ULK4: variants seen among roughly 807,000 people sequenced by gnomAD.
ULK4 encodes the protein inactive serine/threonine-protein kinase ULK4.
ULK4 carries 133 observed loss-of-function variants against 160.6 expected under a neutral mutation model. That is an observed-to-expected ratio of 0.83 (90% confidence interval 0.72 to 0.96). ULK4 has a LOEUF of 0.96. Among genes scored for constraint, ULK4 ranks in the 40% least tolerant of loss-of-function variants. The pLI, the probability that ULK4 is intolerant of heterozygous loss-of-function variation, is 0.00. For synonymous variants in ULK4, 534 were observed against 539.8 expected, an observed-to-expected ratio of 0.99 and a Z score of 0.15; for missense variants, 1,580 against 1,499.5, an observed-to-expected ratio of 1.05 and a Z score of -0.89.
intron 27 of ULK4, among the ~76,000 whole-genome samples, chr3:41,696,041 C>G (rs1392894161): frequency 6.6e-6 from 1 of 152,146 alleles, no homozygotes; most frequent in Non-Finnish European, 1.5e-5. Flanking sequence ...CCAAGCGGAC[C>G]GTGGTCTAGC....
At chr3:41,729,004 G>A (rs557867524) in intron 22 of ULK4, among the ~76,000 whole-genome samples, 3 of 152,194 alleles carry the variant, frequency 2.0e-5, no homozygotes, top group South Asian at 2.1e-4. Flanking sequence ...CTGACTGAAG[G>A]TGCCTGATAC....
At chr3:41,364,955 G>A (rs2125776249) in intron 35 of ULK4, among the ~76,000 whole-genome samples, 1 of 152,310 alleles carries the variant, frequency 6.6e-6, no homozygotes, top group East Asian at 1.9e-4. Context: ...TGATTCTGCA[G>A]GCAAGGGGTG....
chr3:41,714,246 A>G lies in ULK4; in HGVS notation c.2634+991T>C, dbSNP rs75920383. Reference sequence around the variant, plus strand: ...AAAATCTGAAATTGAGCACAAAGGGACCTTTACTGCATTGCTTCCTAAAAA... The same window carrying G: ...AAAATCTGAAATTGAGCACAAAGGGGCCTTTACTGCATTGCTTCCTAAAAA... On this transcript the variant is annotated intron_variant, in intron 25 of 36. Coordinates refer to ENST00000301831, the MANE Select transcript of ULK4 (RefSeq NM_017886.4). 2.4e-3 allele frequency among the ~76,000 whole-genome samples: 369 copies of G among 152,290 alleles called. 1 individual carries two copies. The highest frequency in any genetic ancestry group is 7.9e-3 in the African/African-American group (329 of 41,574).
chr3:41,681,687 C>A (rs1344555906), intron 28 of ULK4, 35 bp from the exon 29 acceptor site: 1 of 1,613,698 alleles, frequency 6.2e-7, no homozygotes, highest in African/African-American at 1.3e-5. Flanking sequence ...GAATGTGACT[C>A]CATGGAGACA....
In ULK4 at chr3:41,932,142, A is replaced by G. The variant is rs1042488625; in HGVS notation, c.379-136T>C. ...AGAACTCAGAAAAATAAATGCTTAT[A>G]ATTTTTTTAAAAGCTAAAGAAAAAT... is the stretch of plus-strand genomic sequence containing the variant. On this transcript the variant is annotated intron_variant, in intron 4 of 36. Transcript: ENST00000301831. 9.7e-6 allele frequency: 7 copies of G among 724,528 alleles called. No individual in the cohort carries two copies. In the African/African-American group the frequency reaches 1.3e-4, roughly 13 times the overall value. 44.9% of individuals were successfully genotyped at this position (724,528 alleles called of 1,614,324 possible).
At chr3:41,806,433 C>T (rs2040644349) in intron 19 of ULK4, among the ~76,000 whole-genome samples, 1 of 152,050 alleles carries the variant, frequency 6.6e-6, no homozygotes, top group African/African-American at 2.4e-5. Context: ...TTCAAAAAAC[C>T]AGCTCCTGGA....
chr3:41,859,740 CTCCACCTCCCAGGTT>C, intron 17 of ULK4: 1 of 323,640 alleles, frequency 3.1e-6, no homozygotes, highest in Non-Finnish European at 6.0e-6. Flanking sequence ...TCACTGCAAC[CTCCACCTCCCAGGTT>C]CAAGCAATTC....
Position 41,902,358 on chromosome 3 carries a change from T to C in ULK4, c.1183-1529A>G, listed in dbSNP as rs149742716. On this transcript the variant is annotated intron_variant, in intron 12 of 36. Coordinates refer to ENST00000301831, the MANE Select transcript of ULK4 (RefSeq NM_017886.4). ...ACTTTGGTAGGCCGAGGTGGGCACA[T>C]CACGAGGTCAGGAGTTCGAGACCAG... 6.7e-4 allele frequency among the ~76,000 whole-genome samples: 102 copies of C among 152,040 alleles called. 1 individual carries two copies. The East Asian group carries it at 0.017, about 26-fold the overall frequency.
At chr3:41,369,130 G>T (rs2081311300) in intron 35 of ULK4, among the ~76,000 whole-genome samples, 2 of 152,252 alleles carry the variant, frequency 1.3e-5, no homozygotes, top group African/African-American at 4.8e-5. Context: ...AATGATGAGA[G>T]TACTCTAATT....
intron 35 of ULK4, among the ~76,000 whole-genome samples, chr3:41,302,829 T>C (rs2079826667): frequency 6.6e-6 from 1 of 152,244 alleles, no homozygotes; most frequent in East Asian, 1.9e-4. Flanking sequence ...GTTAGCAAAC[T>C]GTCTATCGTT....
intron 34 of ULK4, among the ~76,000 whole-genome samples, chr3:41,415,073 C>T (rs1356944062): frequency 6.6e-6 from 1 of 152,214 alleles, no homozygotes; most frequent in Admixed American, 6.5e-5. Flanking sequence ...AATTAACTTT[C>T]CTAAGGCTCT....
At chr3:41,805,727 A>G (rs1196165490) in intron 19 of ULK4, among the ~76,000 whole-genome samples, 1 of 151,306 alleles carries the variant, frequency 6.6e-6, no homozygotes, top group Non-Finnish European at 1.5e-5. Flanking sequence ...CCTTTTCTGC[A>G]TCTATTGAGA....
At chr3:41,270,384 C>T (rs2079119874) in intron 35 of ULK4, among the ~76,000 whole-genome samples, 2 of 152,178 alleles carry the variant, frequency 1.3e-5, no homozygotes, top group Admixed American at 1.3e-4. Context: ...CCACTCTTCT[C>T]CCCATGGGCC....
At chr3:41,649,331 G>C (rs1374208836) in intron 30 of ULK4, among the ~76,000 whole-genome samples, 1 of 152,150 alleles carries the variant, frequency 6.6e-6, no homozygotes, top group East Asian at 1.9e-4. Context: ...CAAGAGGCAG[G>C]AACAGGCAGG....
intron 35 of ULK4, among the ~76,000 whole-genome samples, chr3:41,322,453 G>A (rs183871457): frequency 4.3e-4 from 65 of 152,178 alleles, no homozygotes; most frequent in African/African-American, 1.2e-3. Flanking sequence ...CTGTAGACCC[G>A]TATGGATTCG....
At position 41,255,329 on chromosome 3, in the gene ULK4, A is replaced by G. The variant is rs184204748; in HGVS notation, c.3679-5755T>C. Among the ~76,000 whole-genome samples, 514 of 152,260 alleles carry G rather than the reference A, an allele frequency of 3.4e-3. 2 individuals carry two copies. The highest frequency in any genetic ancestry group is 5.7e-3 in the Non-Finnish European group (388 of 68,004). ...AAACCCCGTTTCTACTAAAAATAAA[A>G]AAAATTAGCTGGGCATGGTGGCACA... On this transcript the variant is annotated intron_variant, in intron 35 of 36. Coordinates refer to ENST00000301831, the MANE Select transcript of ULK4 (RefSeq NM_017886.4).
intron 20 of ULK4, among the ~76,000 whole-genome samples, chr3:41,798,657 G>A (rs1026747807): frequency 5.3e-5 from 8 of 152,074 alleles, no homozygotes; most frequent in Admixed American, 3.3e-4. Flanking sequence ...AGGGAAAAGT[G>A]GGCCGGAAAA....
At position 41,707,904 on chromosome 3, in the gene ULK4, A is replaced by G. The variant is rs139524473; in HGVS notation, c.2635-2599T>C. Among the ~76,000 whole-genome samples, 85 of 152,270 alleles carry G rather than the reference A, an allele frequency of 5.6e-4. 1 individual carries two copies. Among genetic ancestry groups the G allele is most frequent in the African/African-American group, 1.9e-3 (81 of 41,554 alleles). Reference sequence around the variant, plus strand: ...GAAGATATACAAATGGTCAATAGGTATATGAAAAAATGCTCAACATCACTA... The same window carrying G: ...GAAGATATACAAATGGTCAATAGGTGTATGAAAAAATGCTCAACATCACTA... On this transcript the variant is annotated intron_variant, in intron 25 of 36. Coordinates refer to ENST00000301831, the MANE Select transcript of ULK4 (RefSeq NM_017886.4).
intron 30 of ULK4, among the ~76,000 whole-genome samples, chr3:41,627,979 C>G (rs2033598115): frequency 6.6e-6 from 1 of 152,098 alleles, no homozygotes; most frequent in South Asian, 2.1e-4. Context: ...GAATGCCATG[C>G]TAAGAAATGC....
Sources: gnomAD v4.1 joint callset for allele counts (sites outside exome capture counted in the v4.1 genomes callset) on GRCh38, gnomAD v4.1.1 for gene constraint, MANE v1.5 for transcripts, NCBI Gene and HGNC (gene_info 2026-07-23, HGNC 2026-07-21) for gene names.